Variants in DSCAM observed in about 807,000 individuals in gnomAD.
DSCAM encodes the protein DS cell adhesion molecule.
In DSCAM, 47 loss-of-function variants were observed where a neutral mutation model predicts 217.7. The ratio of observed to expected loss-of-function variants is 0.22; its 90% CI spans 0.17 to 0.28. DSCAM has a LOEUF of 0.28. Ranked by LOEUF, DSCAM falls within the 10% of genes least tolerant of loss-of-function variation. The probability of loss-of-function intolerance (pLI) is 1.00; values close to 1 mark genes in which losing one functional copy is unlikely to be tolerated. For synonymous variants in DSCAM, 1,056 were observed against 1,015.3 expected, an observed-to-expected ratio of 1.04 and a Z score of -0.76; for missense variants, 2,080 against 2,618.3, an observed-to-expected ratio of 0.79 and a Z score of 4.49.
intron 21 of DSCAM, among the ~76,000 whole-genome samples, chr21:40,088,359 C>T (rs1043932966): frequency 1.3e-5 from 2 of 152,124 alleles, no homozygotes; most frequent in South Asian, 2.1e-4. Flanking sequence ...GAGAAGGCTC[C>T]CCCAGGGAAG....
chr21:40,573,312 T>C (rs2076823226), intron 3 of DSCAM, among the ~76,000 whole-genome samples: 1 of 152,088 alleles, frequency 6.6e-6, no homozygotes, highest in African/African-American at 2.4e-5. Flanking sequence ...CACTCCAGCC[T>C]GGGCGACAGA....
At chr21:40,811,693 G>A (rs537864709) in intron 1 of DSCAM, among the ~76,000 whole-genome samples, 1 of 152,318 alleles carries the variant, frequency 6.6e-6, no homozygotes, top group African/African-American at 2.4e-5. Context: ...GAGGCTGAGA[G>A]AGCAGTTAAC....
intron 11 of DSCAM, among the ~76,000 whole-genome samples, chr21:40,208,944 C>G (rs1041601116): frequency 3.9e-5 from 6 of 152,190 alleles, no homozygotes; most frequent in Non-Finnish European, 8.8e-5. Flanking sequence ...CAAACAGCCC[C>G]TCAAAGATGA....
At chr21:40,645,837 T>C (rs1017059762) in intron 3 of DSCAM, among the ~76,000 whole-genome samples, 1 of 152,212 alleles carries the variant, frequency 6.6e-6, no homozygotes, top group Admixed American at 6.5e-5. Flanking sequence ...AAGTATTTTG[T>C]TGTGTCCAGG....
chr21:40,292,642 G>A (rs1410417927), intron 10 of DSCAM, among the ~76,000 whole-genome samples: 4 of 152,046 alleles, frequency 2.6e-5, no homozygotes, highest in Non-Finnish European at 4.4e-5. Flanking sequence ...TTTACTCCTT[G>A]AGCCAGCAAC....
chr21:40,684,929 A>G (rs1055266527), intron 3 of DSCAM, among the ~76,000 whole-genome samples: 2 of 152,194 alleles, frequency 1.3e-5, no homozygotes, highest in African/African-American at 2.4e-5. Flanking sequence ...GAAAGAACCA[A>G]ACATCACGGG....
rs571819417 is a variant in DSCAM at position 40,712,469 on chromosome 21, CAAAAAAAAAAAAAA to C, written c.44-3712_44-3699del. ...TGGGCGACAGAGCGAGACTCCGTCT[CAAAAAAAAAAAAAA>C]AAAAAAAAAAAAAGAATCTAACATT... On this transcript the variant is annotated intron_variant, in intron 1 of 32. Transcript: ENST00000400454. Among the ~76,000 whole-genome samples the C allele has an allele frequency of 1.7e-3, 47 of 27,344 alleles. No individual in the cohort carries two copies. In the Middle Eastern group the frequency reaches 0.083, roughly 48 times the overall value. The allele number at this position is 27,344 out of a possible 152,430, so 17.9% of individuals were successfully genotyped here. A position where few individuals can be genotyped will look rare whatever the true frequency, so the allele number is the denominator to read the frequency against.
At chr21:40,812,718 T>A (rs2410292) in intron 1 of DSCAM, among the ~76,000 whole-genome samples, 2,595 of 152,334 alleles carry the variant, frequency 0.017, 62 homozygotes, top group African/African-American at 0.056. Context: ...CACACATTTA[T>A]CATTCTAGAA....
At chr21:40,775,646 C>T (rs7277230) in intron 1 of DSCAM, among the ~76,000 whole-genome samples, 41,051 of 152,050 alleles carry the variant, frequency 0.27, 6,622 homozygotes, top group Non-Finnish European at 0.36. Context: ...ACTCTAGGTT[C>T]GCCAACCTTT....
chr21:40,562,672 T>C (rs796456773), intron 3 of DSCAM, among the ~76,000 whole-genome samples: 2 of 152,332 alleles, frequency 1.3e-5, no homozygotes, highest in African/African-American at 4.8e-5. Context: ...TGAATATAAT[T>C]ACACAAAATT....
intron 6 of DSCAM, 103 bp downstream of exon 6, chr21:40,347,567 C>T (rs2074572269): frequency 2.7e-6 from 4 of 1,501,860 alleles, no homozygotes; most frequent in Non-Finnish European, 3.6e-6. Flanking sequence ...GACAGAGAGC[C>T]TAGAACTGAG....
chr21:40,233,444 G>A (rs781162526), intron 11 of DSCAM, among the ~76,000 whole-genome samples: 24 of 152,106 alleles, frequency 1.6e-4, no homozygotes, highest in Non-Finnish European at 2.9e-4. Flanking sequence ...CCAGTCTGAG[G>A]CAATTTTGGT....
chr21:40,408,471 G>A (rs16999738), intron 3 of DSCAM, among the ~76,000 whole-genome samples: 16,338 of 152,078 alleles, frequency 0.11, 1,735 homozygotes, highest in African/African-American at 0.28. Context: ...ATTGCCCTAC[G>A]AGATCATCTG....
intron 19 of DSCAM, among the ~76,000 whole-genome samples, chr21:40,124,602 T>C (rs1196440009): frequency 6.6e-6 from 1 of 151,914 alleles, no homozygotes; most frequent in Non-Finnish European, 1.5e-5. Context: ...GGTGTCCTTA[T>C]AAAAAGGGCC....
chr21:40,381,550 T>A (rs2075025697), intron 3 of DSCAM, among the ~76,000 whole-genome samples: 1 of 152,172 alleles, frequency 6.6e-6, no homozygotes, highest in Non-Finnish European at 1.5e-5. Flanking sequence ...CAACCCACAG[T>A]GACTATGCTT....
At chr21:40,175,825 GCACA>G (rs199994604) in intron 15 of DSCAM, among the ~76,000 whole-genome samples, 231 of 117,036 alleles carry the variant, frequency 2.0e-3, no homozygotes, top group African/African-American at 6.5e-3. Flanking sequence ...ACACACACAC[GCACA>G]CACACATACT....
At chr21:40,073,281 C>T (rs184148849) in intron 27 of DSCAM, among the ~76,000 whole-genome samples, 38 of 152,192 alleles carry the variant, frequency 2.5e-4, no homozygotes, top group Non-Finnish European at 4.4e-4. Context: ...GAAGCATTAC[C>T]TAGATGCTTA....
At chr21:40,658,889 A>T (rs117199576) in intron 3 of DSCAM, among the ~76,000 whole-genome samples, 1,595 of 152,304 alleles carry the variant, frequency 0.01, 10 homozygotes, top group Non-Finnish European at 0.016. Context: ...AGTCTTAAAA[A>T]TATTACTCAT....
At chr21:40,679,045 G>T (rs930764872) in intron 3 of DSCAM, among the ~76,000 whole-genome samples, 1 of 152,152 alleles carries the variant, frequency 6.6e-6, no homozygotes, top group Non-Finnish European at 1.5e-5. Flanking sequence ...CCCTCAGAAC[G>T]GCATCACGTA....
Sources: allele counts gnomAD v4.1 joint callset (sites outside exome capture counted in the v4.1 genomes callset), GRCh38; gene constraint gnomAD v4.1.1; transcripts MANE v1.5; gene names NCBI Gene and HGNC (gene_info 2026-07-23, HGNC 2026-07-21).